RSU1: variants seen among roughly 807,000 people sequenced by gnomAD.
RSU1 encodes rsu-1.
In RSU1, 26 loss-of-function variants were observed where a neutral mutation model predicts 31.1. The ratio of observed to expected loss-of-function variants is 0.84; its 90% CI spans 0.61 to 1.16. The LOEUF is 1.16. Ranked by LOEUF, RSU1 falls within the 50% of genes most tolerant of loss-of-function variation. The pLI is 0.00. For missense variants in RSU1, 320 were observed against 339.1 expected, an observed-to-expected ratio of 0.94 and a Z score of 0.44; for synonymous variants, 164 against 136.3, an observed-to-expected ratio of 1.20 and a Z score of -1.41.
intron 8 of RSU1, among the ~76,000 whole-genome samples, chr10:16,603,022 T>C (rs768365256): frequency 2.0e-5 from 3 of 152,230 alleles, no homozygotes; most frequent in Admixed American, 1.3e-4. Flanking sequence ...AGAAGTCTCA[T>C]TAATTCAAAA....
chr10:16,814,471 A>G (rs1588554404), intron 2 of RSU1, among the ~76,000 whole-genome samples: 1 of 99,722 alleles, frequency 1.0e-5, no homozygotes, highest in South Asian at 3.0e-4. Flanking sequence ...AAAAAAAAGA[A>G]AAAAAAATTC....
chr10:16,793,946 G>C (rs1837977489), intron 2 of RSU1, among the ~76,000 whole-genome samples: 1 of 151,864 alleles, frequency 6.6e-6, no homozygotes, highest in Non-Finnish European at 1.5e-5. Context: ...ACTGAGTAAA[G>C]AAGACCTACC....
intron 3 of RSU1, among the ~76,000 whole-genome samples, chr10:16,773,302 C>A (rs1837459856): frequency 6.6e-6 from 1 of 152,038 alleles, no homozygotes; most frequent in South Asian, 2.1e-4. Flanking sequence ...TTTAGGGTCA[C>A]TGCATGAGGA....
At chr10:16,744,564 C>G (rs1008922892) in intron 7 of RSU1, among the ~76,000 whole-genome samples, 1 of 152,046 alleles carries the variant, frequency 6.6e-6, no homozygotes, top group Non-Finnish European at 1.5e-5. Flanking sequence ...ACAAAGTACC[C>G]AACACTTACT....
intron 8 of RSU1, among the ~76,000 whole-genome samples, chr10:16,678,303 C>T (rs1363995676): frequency 6.6e-6 from 1 of 152,198 alleles, no homozygotes; most frequent in African/African-American, 2.4e-5. Flanking sequence ...CTTCCAAGAA[C>T]ATAGGAAAGC....
intron 8 of RSU1, among the ~76,000 whole-genome samples, chr10:16,669,474 C>A (rs1028386745): frequency 6.6e-6 from 1 of 152,072 alleles, no homozygotes; most frequent in Non-Finnish European, 1.5e-5. Context: ...GGCTACTTAC[C>A]CACCCCAGGG....
chr10:16,761,038 T>C (rs1210619552), intron 4 of RSU1, among the ~76,000 whole-genome samples: 3 of 152,076 alleles, frequency 2.0e-5, no homozygotes, highest in African/African-American at 4.8e-5. Context: ...GCCTCCTGGG[T>C]TCAAACGATT....
At position 16,718,576 on chromosome 10, in the gene RSU1, C is replaced by T. The variant is rs1222533438; in HGVS notation, c.599-23421G>A. Among the ~76,000 whole-genome samples the T allele has an allele frequency of 3.3e-5, 5 of 151,972 alleles. No homozygotes were observed. In the East Asian group the frequency reaches 7.7e-4, roughly 23 times the overall value. On this transcript the variant is annotated intron_variant, in intron 7 of 8. Transcript: ENST00000345264. ...CCTAGCCAATGATGACAATTTAAAACGGTAAATGGCACATCTTAGGAGAAA... is the reference window on the plus strand; with the variant it reads ...CCTAGCCAATGATGACAATTTAAAATGGTAAATGGCACATCTTAGGAGAAA...
chr10:16,744,577 G>C (rs1275869700), intron 7 of RSU1, among the ~76,000 whole-genome samples: 1 of 152,114 alleles, frequency 6.6e-6, no homozygotes, highest in Non-Finnish European at 1.5e-5. Flanking sequence ...CACTTACTAG[G>C]AACAAGTTAA....
rs1051895386 is a variant in RSU1 at position 16,782,046 on chromosome 10, T to C, written c.148A>G (p.Asn50Asp). ...AAACATCACTTACTTGTTAGCTTGTTATGGCTGAGGACCAGTTGTGTGATA... is the reference window on the plus strand; with the variant it reads ...AAACATCACTTACTTGTTAGCTTGTCATGGCTGAGGACCAGTTGTGTGATA... ...SHITQLVLSH[N>D]KLTMVPPNIA... is the part of the protein sequence containing the mutation. The change falls in exon 3 of 9, where the codon AAC becomes GAC. Residue 50 changes from asparagine to aspartate, a missense_variant. Transcript: ENST00000345264. The C allele has an allele frequency of 6.2e-7, 1 of 1,613,298 alleles. No individual in the cohort carries two copies. The highest frequency in any genetic ancestry group is 1.3e-5 in the African/African-American group (1 of 74,838).
At chr10:16,755,222 A>C (rs1837059484) in intron 4 of RSU1, among the ~76,000 whole-genome samples, 1 of 152,096 alleles carries the variant, frequency 6.6e-6, no homozygotes, top group Admixed American at 6.6e-5. Flanking sequence ...CCCCAGGCTC[A>C]AGCGATCCTT....
chr10:16,641,823 G>A (rs536860852), intron 8 of RSU1, among the ~76,000 whole-genome samples: 1 of 152,334 alleles, frequency 6.6e-6, no homozygotes, highest in African/African-American at 2.4e-5. Flanking sequence ...CAGGAGAGCA[G>A]GAAGGCACGG....
At chr10:16,594,601 T>A (rs1833575216) in intron 8 of RSU1, among the ~76,000 whole-genome samples, 1 of 146,926 alleles carries the variant, frequency 6.8e-6, no homozygotes, top group African/African-American at 2.5e-5. Flanking sequence ...ATATATCATA[T>A]ATAATATCTA....
intron 8 of RSU1, among the ~76,000 whole-genome samples, chr10:16,632,452 G>C (rs189207656): frequency 1.8e-4 from 27 of 152,218 alleles, no homozygotes; most frequent in Admixed American, 1.6e-3. Context: ...CAAAACCCGA[G>C]AGACCTTTTA....
At chr10:16,670,447 C>T (rs996608889) in intron 8 of RSU1, among the ~76,000 whole-genome samples, 8 of 152,148 alleles carry the variant, frequency 5.3e-5, no homozygotes, top group African/African-American at 7.2e-5. Flanking sequence ...AAGCAAAAGG[C>T]CCTGAAGCTA....
intron 7 of RSU1, among the ~76,000 whole-genome samples, chr10:16,706,905 T>C (rs1159822520): frequency 6.6e-6 from 1 of 152,174 alleles, no homozygotes; most frequent in Non-Finnish European, 1.5e-5. Context: ...TCCCAGTCTC[T>C]GGTAACCACT....
At chr10:16,667,829 T>G (rs116168564) in intron 8 of RSU1, among the ~76,000 whole-genome samples, 1 of 152,106 alleles carries the variant, frequency 6.6e-6, no homozygotes, top group Non-Finnish European at 1.5e-5. Context: ...ATGAACTATA[T>G]TCAATGAGCC....
intron 7 of RSU1, among the ~76,000 whole-genome samples, chr10:16,725,203 G>C (rs945539371): frequency 6.6e-6 from 1 of 152,156 alleles, no homozygotes; most frequent in Non-Finnish European, 1.5e-5. Flanking sequence ...TGGGAGAAGA[G>C]AGAGAGAATA....
rs978157664 is a variant in RSU1, at chr10:16,606,548, T to C, written c.732-13052A>G. 1.2e-4 allele frequency among the ~76,000 whole-genome samples: 18 copies of C among 152,324 alleles called. 2 individuals carry two copies. Among genetic ancestry groups the C allele is most frequent in the Admixed American group, 8.5e-4 (13 of 15,302 alleles). ...CTCACGAGGCTCCTACATGGGCAGA[T>C]GAGGGTCGTTCATGACCTCTGAGTC... On this transcript the variant is annotated intron_variant, in intron 8 of 8. Transcript: ENST00000345264.
Sources: gnomAD v4.1 joint callset for allele counts (sites outside exome capture counted in the v4.1 genomes callset) on GRCh38, gnomAD v4.1.1 for gene constraint, MANE v1.5 for transcripts, NCBI Gene and HGNC (gene_info 2026-07-23, HGNC 2026-07-21) for gene names.